UBQLN1: variants seen among roughly 807,000 people sequenced by gnomAD.
UBQLN1 encodes ubiquilin 1, also known as ubiquilin-1.
A neutral mutation model predicts 65.4 loss-of-function variants in UBQLN1; 13 were observed. The observed-to-expected ratio is 0.20, with a 90% CI of 0.13 to 0.32. The LOEUF (loss-of-function observed/expected upper bound fraction) is 0.32. Ranked by LOEUF, UBQLN1 falls within the 10% of genes least tolerant of loss-of-function variation. The pLI is 1.00. For synonymous variants in UBQLN1, 267 were observed against 247.8 expected, an observed-to-expected ratio of 1.08 and a Z score of -0.73; for missense variants, 561 against 724.0, an observed-to-expected ratio of 0.77 and a Z score of 2.58.
At chr9:83,668,629 T>G in intron 7 of UBQLN1, 2 of 985,474 alleles carry the variant, frequency 2.0e-6, no homozygotes, top group African/African-American at 3.5e-5. Context: ...TTAGCTGTGG[T>G]CTCTTTAGAA....
At chr9:83,706,519 G>A (rs1461244114) in intron 1 of UBQLN1, among the ~76,000 whole-genome samples, 4 of 152,092 alleles carry the variant, frequency 2.6e-5, no homozygotes, top group African/African-American at 9.7e-5. Flanking sequence ...CTGTCCCTGG[G>A]GAAACTGATA....
intron 1 of UBQLN1, among the ~76,000 whole-genome samples, chr9:83,687,184 C>CTTT (rs1832054474): frequency 6.6e-6 from 1 of 152,144 alleles, no homozygotes; most frequent in Non-Finnish European, 1.5e-5. Flanking sequence ...TCAGGGAAAG[C>CTTT]TTTCCCTAAG....
intron 10 of UBQLN1, among the ~76,000 whole-genome samples, chr9:83,662,271 T>TACACAC (rs545130983): frequency 8.5e-4 from 87 of 102,328 alleles, no homozygotes; most frequent in Middle Eastern, 4.5e-3. Context: ...TACATATACA[T>TACACAC]ATACACACAC....
chr9:83,682,617 CT>C (rs902736360), intron 3 of UBQLN1, among the ~76,000 whole-genome samples: 1 of 152,140 alleles, frequency 6.6e-6, no homozygotes, highest in African/African-American at 2.4e-5. Flanking sequence ...TGATCCCTTC[CT>C]TTTACAAATG....
chr9:83,679,667 C>A, intron 4 of UBQLN1, 108 bp downstream of exon 4: 1 of 1,208,698 alleles, frequency 8.3e-7, no homozygotes, highest in Admixed American at 2.5e-5. Context: ...ATAAGGATTT[C>A]TCTCTTTAGC....
In UBQLN1 at chr9:83,677,804, C is replaced by A. The variant is rs774451365; in HGVS notation, c.1028G>T (p.Gly343Val). The A allele has an allele frequency of 1.2e-6, 2 of 1,614,134 alleles. No individual in the cohort carries two copies. The highest frequency in any genetic ancestry group is 1.7e-6 in the Non-Finnish European group (2 of 1,180,032). ...ACTGGCAGTACTACCAGTAGTGCCACCCACAGTGCTGGCAGTGCCGCTGGA... is the reference window on the plus strand; with the variant it reads ...ACTGGCAGTACTACCAGTAGTGCCAACCACAGTGCTGGCAGTGCCGCTGGA... ...SASSGTASTV[G>V]GTTGSTASGT... The change falls in exon 6 of 11, where the codon GGT (glycine) becomes GTT (valine). Residue 343 changes from glycine (G) to valine (V), a missense_variant. Physicochemically the swap from Gly to Val is moderately radical, Grantham distance 109. Around this residue, in one of 8 missense-constraint regions of UBQLN1, gnomAD observed 89 missense variants for 77.8 expected, o/e 1.14. Transcript: ENST00000376395.
intron 1 of UBQLN1, among the ~76,000 whole-genome samples, 160 bp downstream of exon 1, chr9:83,707,340 G>A (rs1355558776): frequency 6.6e-6 from 1 of 152,176 alleles, no homozygotes. Flanking sequence ...GTGTCCCAAG[G>A]CGCAAACCCA....
chr9:83,662,867 G>A (rs1587634749), intron 10 of UBQLN1, among the ~76,000 whole-genome samples: 1 of 152,170 alleles, frequency 6.6e-6, no homozygotes, highest in Admixed American at 6.5e-5. Flanking sequence ...TTGAGCTCAG[G>A]AGTTTGAGAC....
At chr9:83,669,971 A>C (rs889515116) in intron 6 of UBQLN1, among the ~76,000 whole-genome samples, 1 of 152,200 alleles carries the variant, frequency 6.6e-6, no homozygotes, top group African/African-American at 2.4e-5. Context: ...CCATCTGTAA[A>C]ATGGAGAAAG....
chr9:83,675,255 G>T (rs1831811686), intron 6 of UBQLN1, among the ~76,000 whole-genome samples: 1 of 152,104 alleles, frequency 6.6e-6, no homozygotes, highest in African/African-American at 2.4e-5. Context: ...TAGTAAATGA[G>T]AACCACTACC....
rs547438069 is a variant in UBQLN1 at position 83,678,138 on chromosome 9, C to A, written c.871-177G>T. 8.6e-5 allele frequency among the ~76,000 whole-genome samples: 13 copies of A among 151,896 alleles called. 1 individual carries two copies. The East Asian group carries it at 2.5e-3, about 30-fold the overall frequency. On this transcript the variant is annotated intron_variant, in intron 5 of 10. Coordinates refer to ENST00000376395, the MANE Select transcript of UBQLN1 (RefSeq NM_013438.5). ...CTGTGTTCACACCATTCTCCTGCCT[C>A]AGCCTCCCGAGTAGCTGGGACTACA... is the stretch of plus-strand genomic sequence containing the variant.
At chr9:83,688,808 C>A (rs1832081429) in intron 1 of UBQLN1, among the ~76,000 whole-genome samples, 1 of 151,912 alleles carries the variant, frequency 6.6e-6, no homozygotes, top group Admixed American at 6.6e-5. Flanking sequence ...TTGCAGTGAG[C>A]CGAGATTGCA....
intron 2 of UBQLN1, 132 bp downstream of exon 2, chr9:83,685,872 G>A (rs1045430367): frequency 9.3e-6 from 7 of 755,758 alleles, no homozygotes; most frequent in Admixed American, 7.2e-5. Flanking sequence ...AATTGTTATC[G>A]ACAGCAAGGA....
At chr9:83,688,639 A>G (rs1326198284) in intron 1 of UBQLN1, among the ~76,000 whole-genome samples, 1 of 152,014 alleles carries the variant, frequency 6.6e-6, no homozygotes, top group African/African-American at 2.4e-5. Context: ...CGAGGCGGGC[A>G]GATGACAGGT....
Position 83,666,423 on chromosome 9 carries a change from T to G in UBQLN1, c.1259A>C (p.Asn420Thr), listed in dbSNP as rs770621039. The change falls in exon 8 of 11, where the codon AAT (asparagine) becomes ACT (threonine). Residue 420 changes from asparagine to threonine, a missense_variant. Asn to Thr is a moderately conservative substitution (Grantham distance 65, BLOSUM62 0). This residue lies in a region of UBQLN1 where 102 missense variants were observed against 150.7 expected (regional missense o/e 0.68). Coordinates refer to ENST00000376395, the MANE Select transcript of UBQLN1 (RefSeq NM_013438.5). ...AGGATTTCCAGCAAATAGGGGATTA[T>G]TCAGCATCATCTATGGGGCAAGTGT... ...NPDLAAQMMLNNPLFAGNPQL... is the reference protein window; with the variant it reads ...NPDLAAQMMLTNPLFAGNPQL... 4 of 1,613,854 alleles carry G rather than the reference T, an allele frequency of 2.5e-6. No individual in the cohort carries two copies. The South Asian group carries it at 4.4e-5, about 18-fold the overall frequency.
intron 1 of UBQLN1, among the ~76,000 whole-genome samples, chr9:83,702,089 A>AG (rs1832319101): frequency 5.3e-5 from 8 of 152,264 alleles, no homozygotes; most frequent in Admixed American, 4.6e-4. Context: ...CTTACAACAA[A>AG]CGCCCAGAAC....
intron 1 of UBQLN1, among the ~76,000 whole-genome samples, chr9:83,687,075 G>A (rs1832052888): frequency 6.6e-6 from 1 of 151,972 alleles, no homozygotes; most frequent in Admixed American, 6.6e-5. Context: ...AAGCAGTACT[G>A]TGGAAAATCA....
At chr9:83,707,408 C>G in intron 1 of UBQLN1, 92 bp downstream of exon 1, 1 of 1,343,466 alleles carries the variant, frequency 7.4e-7, no homozygotes, top group African/African-American at 1.5e-5. Flanking sequence ...GAGGACGACC[C>G]CTCTCCCAGG....
At chr9:83,682,776 T>C (rs1831964485) in intron 3 of UBQLN1, among the ~76,000 whole-genome samples, 175 bp downstream of exon 3, 1 of 151,892 alleles carries the variant, frequency 6.6e-6, no homozygotes, top group Admixed American at 6.6e-5. Flanking sequence ...TGTAAGAATA[T>C]CCATATCCCC....
Sources: gnomAD v4.1 joint callset for allele counts (sites outside exome capture counted in the v4.1 genomes callset) on GRCh38, gnomAD v4.1.1 for gene constraint, gnomAD v4.1.1 regional missense constraint, MANE v1.5 for transcripts, NCBI Gene and HGNC (gene_info 2026-07-23, HGNC 2026-07-21) for gene names.